VSX1: variants seen among roughly 807,000 people sequenced by gnomAD.
VSX1 encodes the protein homeodomain protein RINX.
A neutral mutation model predicts 23.6 loss-of-function variants in VSX1; 23 were observed. That is an observed-to-expected ratio of 0.97 (90% confidence interval 0.70 to 1.38). VSX1 has a LOEUF of 1.38. Among genes scored for constraint, VSX1 ranks in the 40% most tolerant of loss-of-function variants. The probability of loss-of-function intolerance (pLI) is 0.00; values close to 1 mark genes in which losing one functional copy is unlikely to be tolerated. For synonymous variants in VSX1, 247 were observed against 215.1 expected, an observed-to-expected ratio of 1.15 and a Z score of -1.30; for missense variants, 517 against 495.4, an observed-to-expected ratio of 1.04 and a Z score of -0.41.
chr20:25,072,198 G>A (rs6050298), downstream of VSX1, among the ~76,000 whole-genome samples: 1 of 152,164 alleles, frequency 6.6e-6, no homozygotes, highest in Non-Finnish European at 1.5e-5. Flanking sequence ...GGTAATTGAA[G>A]GATCTTCTAA....
downstream of VSX1, chr20:25,072,730 T>C (rs2089405924): frequency 2.1e-6 from 1 of 465,306 alleles, no homozygotes; most frequent in South Asian, 1.6e-5. Flanking sequence ...TTTATACGAT[T>C]AAACCTAAGG....
At chr20:25,079,573 G>A in intron 1 of VSX1, 59 bp from the exon 2 acceptor site, 1 of 1,534,032 alleles carries the variant, frequency 6.5e-7, no homozygotes, top group Non-Finnish European at 8.9e-7. Flanking sequence ...TCTATTTCCT[G>A]GATTTTAATG....
chr20:25,079,359 T>C (rs1346766638), intron 2 of VSX1, 77 bp downstream of exon 2: 3 of 1,434,118 alleles, frequency 2.1e-6, no homozygotes, highest in Non-Finnish European at 2.8e-6. Context: ...GGGCCATAAA[T>C]TCTCAGATGC....
At chr20:25,081,020 G>T (rs1331342650) in intron 1 of VSX1, among the ~76,000 whole-genome samples, 2 of 152,162 alleles carry the variant, frequency 1.3e-5, no homozygotes, top group Non-Finnish European at 2.9e-5. Flanking sequence ...CCCGCGACCC[G>T]TCTGGATTTC....
At chr20:25,079,628 A>T in intron 1 of VSX1, 114 bp from the exon 2 acceptor site, 1 of 1,075,558 alleles carries the variant, frequency 9.3e-7, no homozygotes, top group Admixed American at 2.1e-5. Flanking sequence ...AGTAGTTTAC[A>T]GTATGAGCCA....
Position 25,081,782 on chromosome 20 carries a change from G to T in VSX1, c.315C>A (p.Asp105Glu), listed in dbSNP as rs6115023. Residue 105 changes from aspartate to glutamate, a missense_variant, in exon 1 of 5, where the codon GAC becomes GAA. Coordinates refer to ENST00000376709, the MANE Select transcript of VSX1 (RefSeq NM_014588.6). ...GGCCCCTGGGCGGCAGGAACGGCAC[G>T]TCCGCTAGGAGCAGGCAGGGTGCTC... Reference protein sequence around the residue: ...AARAPCLLLADVPFLPPRGPE... With the variant: ...AARAPCLLLAEVPFLPPRGPE... 5,755 of 1,501,886 alleles carry T rather than the reference G, an allele frequency of 3.8e-3. 188 individuals carry two copies. In the African/African-American group the frequency reaches 0.071, roughly 19 times the overall value. The allele number at this position is 1,501,886 out of a possible 1,614,324, so 93.0% of individuals were successfully genotyped here. A position where few individuals can be genotyped will look rare whatever the true frequency, so the allele number is the denominator to read the frequency against.
intron 4 of VSX1, among the ~76,000 whole-genome samples, chr20:25,077,388 C>G (rs1288906611): frequency 6.6e-6 from 1 of 152,208 alleles, no homozygotes; most frequent in Non-Finnish European, 1.5e-5. Flanking sequence ...GCATTCAACA[C>G]TTGGATGCTG....
downstream of VSX1, among the ~76,000 whole-genome samples, chr20:25,072,193 T>C (rs1207085252): frequency 2.6e-5 from 4 of 152,228 alleles, no homozygotes; most frequent in Non-Finnish European, 4.4e-5. Flanking sequence ...TTGGGGGTAA[T>C]TGAAGGATCT....
Position 25,079,492 on chromosome 20 carries a change from G to A in VSX1, c.447C>T (p.Asp149=), listed in dbSNP as rs1017645292. The change falls in exon 2 of 5, where the codon GAC becomes GAT. Residue 149 remains aspartate, a synonymous_variant. Transcript: ENST00000376709. ...STSDEDSQSE[D]RNDLKASPTL... ...TGGGGGATGCCTTTAGGTCATTCCTGTCTTCAGACTGGCTGTCCTCATCTG... is the reference window on the plus strand; with the variant it reads ...TGGGGGATGCCTTTAGGTCATTCCTATCTTCAGACTGGCTGTCCTCATCTG... The A allele has an allele frequency of 6.2e-7, 1 of 1,612,544 alleles. No homozygotes were observed. Among genetic ancestry groups the A allele is most frequent in the Non-Finnish European group, 8.5e-7 (1 of 1,179,536 alleles).
At chr20:25,072,898 T>C (rs1307383518), downstream of VSX1, among the ~76,000 whole-genome samples, 1 of 152,242 alleles carries the variant, frequency 6.6e-6, no homozygotes, top group Non-Finnish European at 1.5e-5. Flanking sequence ...TTCGCCTTAC[T>C]AAAACTGTAA....
chr20:25,078,239 C>A (rs2089553962), intron 3 of VSX1, among the ~76,000 whole-genome samples: 1 of 152,234 alleles, frequency 6.6e-6, no homozygotes, highest in African/African-American at 2.4e-5. Context: ...AATGAGCTCA[C>A]TGGGGCACTG....
In VSX1 at chr20:25,076,291, C is replaced by T. The variant is rs751315966; in HGVS notation, c.1068G>A (p.Gly356=). The T allele has an allele frequency of 6.2e-7, 1 of 1,614,096 alleles. No homozygotes were observed. The highest frequency in any genetic ancestry group is 1.7e-5 in the Admixed American group (1 of 60,010). Residue 356 remains glycine, a synonymous_variant, in exon 5 of 5, where the codon GGG becomes GGA. Coordinates refer to ENST00000376709, the MANE Select transcript of VSX1 (RefSeq NM_014588.6). The part of the protein sequence containing the change: ...QGGSNSTALE[G]PQPGKVGAT ...TGGCTCCCACCTTCCCTGGCTGGGG[C>T]CCCTCCAGTGCCGTGGAGTTGGAGC...
intron 2 of VSX1, among the ~76,000 whole-genome samples, chr20:25,079,186 C>T (rs1333554652): frequency 6.6e-6 from 1 of 152,198 alleles, no homozygotes; most frequent in Non-Finnish European, 1.5e-5. Context: ...TGACAAAATC[C>T]ATTTGACAGA....
chr20:25,077,378 G>A (rs769357527), intron 4 of VSX1, among the ~76,000 whole-genome samples: 1 of 152,130 alleles, frequency 6.6e-6, no homozygotes, highest in Non-Finnish European at 1.5e-5. Flanking sequence ...AATTCTAACA[G>A]CATTCAACAC....
chr20:25,079,092 T>G, intron 2 of VSX1, 140 bp from the exon 3 acceptor site: 1 of 930,050 alleles, frequency 1.1e-6, no homozygotes, highest in Admixed American at 2.4e-5. Flanking sequence ...ACCCCACCTC[T>G]GAATGATTAG....
downstream of VSX1, chr20:25,071,731 T>C (rs1367846362): frequency 1.0e-5 from 7 of 684,498 alleles, no homozygotes; most frequent in East Asian, 1.4e-4. Flanking sequence ...AAGAACACAC[T>C]GAACTTGGGA....
At chr20:25,074,854 C>T (rs567219127), downstream of VSX1, among the ~76,000 whole-genome samples, 10 of 152,280 alleles carry the variant, frequency 6.6e-5, no homozygotes, top group Admixed American at 5.9e-4. Flanking sequence ...TGTGTGGCTA[C>T]AGAGCCTGGA....
chr20:25,072,104 G>A (rs1209778017), downstream of VSX1: 11 of 594,738 alleles, frequency 1.8e-5, no homozygotes, highest in Admixed American at 3.1e-5. Flanking sequence ...GAGAGAGAGC[G>A]AGAGACTGTG....
At position 25,076,497 on chromosome 20, in the gene VSX1, A is replaced by T. The variant is rs768762571; in HGVS notation, c.862T>A (p.Leu288Met). 5.0e-6 allele frequency: 8 copies of T among 1,613,862 alleles called. No individual in the cohort carries two copies. Among genetic ancestry groups the T allele is most frequent in the Non-Finnish European group, 6.8e-6 (8 of 1,179,906 alleles). Residue 288 changes from leucine to methionine, a missense_variant, in exon 5 of 5, where the codon TTG (leucine) becomes ATG (methionine). By Grantham distance (15) the Leu-to-Met change is conservative. Coordinates refer to ENST00000376709, the MANE Select transcript of VSX1 (RefSeq NM_014588.6). ...TGGTCAGAGCCCCAGAGTCCTGCCA[A>T]CTTATCTTCACTTCCTGGCTTCCTT... ...MIRKPGSEDK[L>M]AGLWGSDHFK...
Sources: gnomAD v4.1 joint callset for allele counts (sites outside exome capture counted in the v4.1 genomes callset) on GRCh38, gnomAD v4.1.1 for gene constraint, MANE v1.5 for transcripts, NCBI Gene and HGNC (gene_info 2026-07-23, HGNC 2026-07-21) for gene names.